Variants in ZBED1 observed in about 807,000 individuals in gnomAD.
ZBED1 encodes the protein zinc finger BED-type containing 1, also known as E3 SUMO-protein ligase ZBED1.
In ZBED1, 19 loss-of-function variants were observed where a neutral mutation model predicts 49.7. The observed-to-expected ratio is 0.38, with a 90% CI of 0.27 to 0.56. ZBED1 has a LOEUF of 0.56. Ranked by LOEUF, ZBED1 falls within the 20% of genes least tolerant of loss-of-function variation. The pLI is 0.70. For synonymous variants in ZBED1, 439 were observed against 440.3 expected (o/e 1.00, Z 0.04); for missense variants, 806 against 972.6 (o/e 0.83, Z 2.28).
Position 2,488,262 on chromosome X carries a change from C to T in ZBED1, c.*373G>A, listed in dbSNP as rs1351957190. On this transcript the variant is annotated 3_prime_UTR_variant, in exon 2 of 2. Coordinates refer to ENST00000652001, the MANE Select transcript of ZBED1 (RefSeq NM_001171136.2). ...AGCGATCTCAGCTTACTGCAACCTCCACCTCCCAGGTTCAAGCGATTCTCT... is the reference window on the plus strand; with the variant it reads ...AGCGATCTCAGCTTACTGCAACCTCTACCTCCCAGGTTCAAGCGATTCTCT... 6 of 214,714 alleles carry T rather than the reference C, an allele frequency of 2.8e-5. No homozygotes were observed. Among genetic ancestry groups the T allele is most frequent in the Non-Finnish European group, 5.4e-5 (6 of 110,108 alleles). The allele number at this position is 214,714 out of a possible 1,614,324, so 13.3% of individuals were successfully genotyped here. A position where few individuals can be genotyped will look rare whatever the true frequency, so the allele number is the denominator to read the frequency against.
rs983268160 is a variant in ZBED1, at chrX:2,486,686, C to T, written c.*1949G>A. 2.6e-5 allele frequency: 4 copies of T among 152,300 alleles called. No individual in the cohort carries two copies. Among genetic ancestry groups the T allele is most frequent in the African/African-American group, 9.6e-5 (4 of 41,460 alleles). The allele number at this position is 152,300 out of a possible 1,614,324, so 9.4% of individuals were successfully genotyped here. A position where few individuals can be genotyped will look rare whatever the true frequency, so the allele number is the denominator to read the frequency against. ...GCCTCGGGGCAGAACAGGGAGCAAC[C>T]CCAAAGCCTGCCCCACTGTGTCCCT... On this transcript the variant is annotated 3_prime_UTR_variant, in exon 2 of 2. Coordinates refer to ENST00000652001, the MANE Select transcript of ZBED1 (RefSeq NM_001171136.2).
intron 1 of ZBED1, among the ~76,000 whole-genome samples, chrX:2,495,264 A>T (rs2045252637): frequency 6.6e-6 from 1 of 151,486 alleles, no homozygotes; most frequent in South Asian, 2.1e-4. Context: ...GCAAAGGTTT[A>T]TATTTTATCA....
chrX:2,491,779 G>A (rs1360295391), intron 1 of ZBED1, among the ~76,000 whole-genome samples: 1 of 152,158 alleles, frequency 6.6e-6, no homozygotes, highest in Non-Finnish European at 1.5e-5. Flanking sequence ...TCACACCTGT[G>A]GGCAGAAAGG....
At position 2,488,897 on chromosome X, in the gene ZBED1, T is replaced by C; in HGVS notation, c.1823A>G (p.Tyr608Cys). Reference protein sequence around the residue: ...FPLLPKVLQKYWCVTATRVAP... With the variant: ...FPLLPKVLQKCWCVTATRVAP... The stretch of plus-strand genomic sequence containing the variant: ...GACGCGCGTGGCCGTCACGCACCAG[T>C]ACTTCTGCAGCACCTTGGGCAGCAG... The change falls in exon 2 of 2, where the codon TAC becomes TGC. Residue 608 changes from tyrosine (Y) to cysteine (C), a missense_variant. By Grantham distance (194) the Tyr-to-Cys change is radical. Coordinates refer to ENST00000652001, the MANE Select transcript of ZBED1 (RefSeq NM_001171136.2). 1 of 1,609,492 alleles carries C rather than the reference T, an allele frequency of 6.2e-7. No homozygotes were observed. The highest frequency in any genetic ancestry group is 8.5e-7 in the Non-Finnish European group (1 of 1,177,172).
At position 2,489,649 on chromosome X, in the gene ZBED1, C is replaced by T. The variant is rs768361111; in HGVS notation, c.1071G>A (p.Thr357=). 7.4e-6 allele frequency: 12 copies of T among 1,612,402 alleles called. No homozygotes were observed. In the South Asian group the frequency reaches 7.7e-5, roughly 10 times the overall value. The change falls in exon 2 of 2, where the codon ACG becomes ACA. Residue 357 remains threonine, a synonymous_variant. Transcript: ENST00000652001. The stretch of plus-strand genomic sequence containing the variant: ...CCTTGAGGCGCTGCAGCATGGCCAG[C>T]GTGCTCCCCCACCAGGAGACGCGGT... The part of the protein sequence containing the change: ...VSNRVSWWGS[T]LAMLQRLKEQ...
At chrX:2,495,843 C>A (rs1461550245) in intron 1 of ZBED1, among the ~76,000 whole-genome samples, 1 of 152,096 alleles carries the variant, frequency 6.6e-6, no homozygotes, top group Non-Finnish European at 1.5e-5. Context: ...TTTCCAATTG[C>A]ACATCCATGA....
chrX:2,488,777 T>C lies in ZBED1; in HGVS notation c.1943A>G (p.Tyr648Cys). 6.2e-7 allele frequency: 1 copy of C among 1,613,926 alleles called. No homozygotes were observed. Among genetic ancestry groups the C allele is most frequent in the Non-Finnish European group, 8.5e-7 (1 of 1,179,868 alleles). ...CTCTGCCCCACTCCGGGCGTTCTCA[T>C]ACAGAAACACCTGCTCGTCCACGTG... ...PAHVDEQVFLYENARSGAEAE... is the reference protein window; with the variant it reads ...PAHVDEQVFLCENARSGAEAE... The change falls in exon 2 of 2, where the codon TAT becomes TGT. Residue 648 changes from tyrosine (Y) to cysteine (C), a missense_variant. Tyr to Cys is a radical substitution (Grantham distance 194). Around this residue, in one of 2 missense-constraint regions of ZBED1, gnomAD observed 749 missense variants for 861.3 expected, o/e 0.87. Transcript: ENST00000652001.
chrX:2,489,072 C>G lies in ZBED1; in HGVS notation c.1648G>C (p.Glu550Gln), dbSNP rs755414228. 1 of 1,613,922 alleles carries G rather than the reference C, an allele frequency of 6.2e-7. No individual in the cohort carries two copies. Among genetic ancestry groups the G allele is most frequent in the Admixed American group, 1.7e-5 (1 of 60,024 alleles). The change falls in exon 2 of 2, where the codon GAG (glutamate) becomes CAG (glutamine). Residue 550 changes from glutamate to glutamine, a missense_variant. Physicochemically the swap from Glu to Gln is conservative, Grantham distance 29. Around this residue, in one of 2 missense-constraint regions of ZBED1, gnomAD observed 749 missense variants for 861.3 expected, o/e 0.87. Transcript: ENST00000652001. ...ACGCCGCCTGTCTGGCAGAAGATCT[C>G]GGCCAGCATGTTGTTGATGACGCTG... ...PASVINNMLA[E>Q]IFCQTGGVED...
chrX:2,489,572 T>C lies in ZBED1; in HGVS notation c.1148A>G (p.His383Arg). The stretch of plus-strand genomic sequence containing the variant: ...CCACTCGCTGGCCTCCAGCATGAGG[T>C]GGTGGTTGTTGCTGTCCTCCACCAA... ...GVLVEDSNNHHLMLEASEWAT... is the reference protein window; with the variant it reads ...GVLVEDSNNHRLMLEASEWAT... Residue 383 changes from histidine (H) to arginine (R), a missense_variant, in exon 2 of 2, where the codon CAC becomes CGC. Physicochemically the swap from His to Arg is conservative, Grantham distance 29. Around this residue, in one of 2 missense-constraint regions of ZBED1, gnomAD observed 749 missense variants for 861.3 expected, o/e 0.87. Transcript: ENST00000652001. 6.2e-7 allele frequency: 1 copy of C among 1,612,334 alleles called. No homozygotes were observed. The highest frequency in any genetic ancestry group is 8.5e-7 in the Non-Finnish European group (1 of 1,179,728).
rs2044990356 is a variant in ZBED1 at position 2,487,937 on chromosome X, CATG to C, written c.*695_*697del. ...TGATCTGGACCTCGCAGAAGTCACA[CATG>C]ATGATCGGGAAAGGCTCCTTCGACG... On this transcript the variant is annotated 3_prime_UTR_variant, in exon 2 of 2. Coordinates refer to ENST00000652001, the MANE Select transcript of ZBED1 (RefSeq NM_001171136.2). 6.6e-6 allele frequency: 1 copy of C among 151,998 alleles called. No individual in the cohort carries two copies. The highest frequency in any genetic ancestry group is 2.4e-5 in the African/African-American group (1 of 41,356). The allele number at this position is 151,998 out of a possible 1,614,324, so 9.4% of individuals were successfully genotyped here.
rs1398622597 is a variant in ZBED1, at chrX:2,489,979, G to C, written c.741C>G (p.Ile247Met). 1.2e-6 allele frequency: 2 copies of C among 1,613,912 alleles called. No homozygotes were observed. Among genetic ancestry groups the C allele is most frequent in the East Asian group, 4.5e-5 (2 of 44,870 alleles). Residue 247 changes from isoleucine to methionine, a missense_variant, in exon 2 of 2, where the codon ATC becomes ATG. Ile to Met is a conservative substitution (Grantham distance 10). Transcript: ENST00000652001. ...EVPEENTAET[I>M]TRVLYEVFIE... ...TGAAGACCTCATAGAGCACTCGCGT[G>C]ATGGTCTCCGCCGTGTTCTCTTCGG...
chrX:2,500,925 T>C lies in ZBED1; in HGVS notation c.-162A>G, dbSNP rs1286128870. 2 of 1,077,556 alleles carry C rather than the reference T, an allele frequency of 1.9e-6. No homozygotes were observed. The highest frequency in any genetic ancestry group is 2.2e-6 in the Non-Finnish European group (2 of 890,592). The allele number at this position is 1,077,556 out of a possible 1,614,324, so 66.7% of individuals were successfully genotyped here. On this transcript the variant is annotated 5_prime_UTR_variant, in exon 1 of 2. An upstream start codon of the reference 5' UTR is lost. Transcript: ENST00000652001. ...GCCCGCGCCGCAGACAATGGCGACA[T>C]GGCTGCCCCGGCCGCGCCGCCGCCG...
chrX:2,486,795 G>A lies in ZBED1; in HGVS notation c.*1840C>T, dbSNP rs1013827610. On this transcript the variant is annotated 3_prime_UTR_variant, in exon 2 of 2. Transcript: ENST00000652001. ...CCGCTTCCCTTAAAAAGAAAGCAAA[G>A]GTTACGTGGATTTCTCCCGTGCTTC... 1.3e-5 allele frequency: 2 copies of A among 152,276 alleles called. No homozygotes were observed. The highest frequency in any genetic ancestry group is 4.8e-5 in the African/African-American group (2 of 41,452). The allele number at this position is 152,276 out of a possible 1,614,324, so 9.4% of individuals were successfully genotyped here. A position where few individuals can be genotyped will look rare whatever the true frequency, so the allele number is the denominator to read the frequency against.
intron 1 of ZBED1, among the ~76,000 whole-genome samples, chrX:2,499,360 A>C (rs2045356358): frequency 6.6e-6 from 1 of 152,154 alleles, no homozygotes. Context: ...GACCCTCTGA[A>C]CGCTCTGTTT....
chrX:2,500,748 C>CG, intron 1 of ZBED1, 69 bp downstream of exon 1: 1 of 781,374 alleles, frequency 1.3e-6, no homozygotes, highest in Non-Finnish European at 1.6e-6. Context: ...GCCCCCGCGC[C>CG]CCCGCCCCCG....
At chrX:2,499,709 C>A (rs1321685376) in intron 1 of ZBED1, among the ~76,000 whole-genome samples, 1 of 152,076 alleles carries the variant, frequency 6.6e-6, no homozygotes, top group Non-Finnish European at 1.5e-5. Context: ...GAGTTTCAGA[C>A]CAGCCTGGGC....
rs776875245 is a variant in ZBED1, at chrX:2,488,923, G to A, written c.1797C>T (p.Pro599=). ...ACTTCTGCAGCACCTTGGGCAGCAG[G>A]GGGAAGAGGGCCAGGCGGTCTGACC... The part of the protein sequence containing the change: ...KWWSDRLALF[P]LLPKVLQKYW... Residue 599 remains proline, a synonymous_variant, in exon 2 of 2, where the codon CCC becomes CCT. Coordinates refer to ENST00000652001, the MANE Select transcript of ZBED1 (RefSeq NM_001171136.2). 1.9e-6 allele frequency: 3 copies of A among 1,602,116 alleles called. No homozygotes were observed. The Admixed American group carries it at 5.1e-5, about 27-fold the overall frequency.
rs146273276 is a variant in ZBED1, at chrX:2,488,805, C to T, written c.1915G>A (p.Ala639Thr). The T allele has an allele frequency of 1.4e-4, 224 of 1,613,864 alleles. 1 individual carries two copies. The South Asian group carries it at 1.8e-3, about 13-fold the overall frequency. The change falls in exon 2 of 2, where the codon GCG becomes ACG. Residue 639 changes from alanine (A) to threonine (T), a missense_variant. Physicochemically the swap from Ala to Thr is moderately conservative, Grantham distance 58. Transcript: ENST00000652001. ...VSAKRNRLAP[A>T]HVDEQVFLYE... ...AGAAACACCTGCTCGTCCACGTGCGCGGGAGCCAGCCGGTTCCTCTTGGCG... is the reference window on the plus strand; with the variant it reads ...AGAAACACCTGCTCGTCCACGTGCGTGGGAGCCAGCCGGTTCCTCTTGGCG...
At position 2,488,646 on chromosome X, in the gene ZBED1, T is replaced by C. The variant is rs1462592594; in HGVS notation, c.2074A>G (p.Ser692Gly). The change falls in exon 2 of 2, where the codon AGC becomes GGC. Residue 692 changes from serine to glycine, a missense_variant. Transcript: ENST00000652001. ...SGGFFGIRDS[S>G]FL ...AACACGCTTCCTCGCTACAGGAAGC[T>C]GCTGTCCCTAATGCCAAAGAAACCG... 1 of 1,604,834 alleles carries C rather than the reference T, an allele frequency of 6.2e-7. No individual in the cohort carries two copies. Among genetic ancestry groups the C allele is most frequent in the Admixed American group, 1.7e-5 (1 of 57,840 alleles).
Sources: gnomAD v4.1 joint callset for allele counts (sites outside exome capture counted in the v4.1 genomes callset) on GRCh38, gnomAD v4.1.1 for gene constraint, gnomAD v4.1.1 regional missense constraint, MANE v1.5 for transcripts, NCBI Gene and HGNC (gene_info 2026-07-23, HGNC 2026-07-21) for gene names.